CENPP: variants seen among roughly 807,000 people sequenced by gnomAD.
CENPP encodes the protein centromere protein P.
In CENPP, 24 loss-of-function variants were observed where a neutral mutation model predicts 35.6. The observed-to-expected ratio is 0.67, with a 90% CI of 0.49 to 0.95. The LOEUF (loss-of-function observed/expected upper bound fraction) is 0.95, where lower values mean the gene tolerates loss of function less well. Among genes scored for constraint, CENPP ranks in the 40% least tolerant of loss-of-function variants. The probability of loss-of-function intolerance (pLI) is 0.00; values close to 1 mark genes in which losing one functional copy is unlikely to be tolerated. For missense variants in CENPP, 332 were observed against 345.3 expected, an observed-to-expected ratio of 0.96 and a Z score of 0.31; for synonymous variants, 120 against 125.5, an observed-to-expected ratio of 0.96 and a Z score of 0.29.
At chr9:92,567,373 G>GATATAGAT (rs1849997624) in intron 5 of CENPP, among the ~76,000 whole-genome samples, 3 of 129,090 alleles carry the variant, frequency 2.3e-5, no homozygotes, top group Non-Finnish European at 3.3e-5. Flanking sequence ...ACATAAGATA[G>GATATAGAT]ATATATATAT....
intron 5 of CENPP, among the ~76,000 whole-genome samples, chr9:92,411,744 G>A (rs1198161686): frequency 1.3e-5 from 2 of 152,206 alleles, no homozygotes; most frequent in South Asian, 2.1e-4. Flanking sequence ...CTTAAACTGT[G>A]CAAGAAGTGA....
intron 4 of CENPP, among the ~76,000 whole-genome samples, chr9:92,374,906 T>G (rs1186405330): frequency 6.6e-6 from 1 of 152,214 alleles, no homozygotes; most frequent in Non-Finnish European, 1.5e-5. Flanking sequence ...CTCAGCTTTC[T>G]TGAATCAGGG....
intron 5 of CENPP, chr9:92,517,596 A>G (rs1029747351): frequency 6.5e-6 from 10 of 1,544,930 alleles, no homozygotes; most frequent in African/African-American, 5.5e-5. Flanking sequence ...TGACTAATGT[A>G]TCATAATTTT....
intron 5 of CENPP, among the ~76,000 whole-genome samples, chr9:92,542,816 A>G (rs1403146433): frequency 2.0e-5 from 3 of 151,924 alleles, no homozygotes; most frequent in Non-Finnish European, 4.4e-5. Context: ...CCGGCCCCCT[A>G]TGTTTTCTTC....
chr9:92,483,084 G>T (rs571174017), intron 5 of CENPP, among the ~76,000 whole-genome samples: 1 of 152,062 alleles, frequency 6.6e-6, no homozygotes, highest in Non-Finnish European at 1.5e-5. Flanking sequence ...GAGAATATTA[G>T]CTATGGCCTC....
At chr9:92,452,497 T>C (rs924159804) in intron 5 of CENPP, among the ~76,000 whole-genome samples, 1 of 152,212 alleles carries the variant, frequency 6.6e-6, no homozygotes, top group African/African-American at 2.4e-5. Context: ...TGGATTCGGT[T>C]TGCCAGTATT....
chr9:92,504,622 A>G (rs1846885601), intron 5 of CENPP, among the ~76,000 whole-genome samples: 1 of 152,078 alleles, frequency 6.6e-6, no homozygotes, highest in Non-Finnish European at 1.5e-5. Context: ...TGCAGCCTCA[A>G]ACTCCTGGGC....
intron 5 of CENPP, among the ~76,000 whole-genome samples, chr9:92,586,251 G>A (rs1468523637): frequency 6.6e-6 from 1 of 152,148 alleles, no homozygotes; most frequent in African/African-American, 2.4e-5. Context: ...CGCCATGTTG[G>A]CCAGGCTGTT....
intron 5 of CENPP, among the ~76,000 whole-genome samples, chr9:92,602,790 C>T (rs1052866823): frequency 2.3e-4 from 34 of 149,824 alleles, no homozygotes; most frequent in African/African-American, 2.5e-5. Flanking sequence ...TTCTCATTCT[C>T]CTCGTATACT....
At chr9:92,516,143 A>G (rs1588213608) in intron 5 of CENPP, among the ~76,000 whole-genome samples, 1 of 149,166 alleles carries the variant, frequency 6.7e-6, no homozygotes, top group Non-Finnish European at 1.5e-5. Flanking sequence ...GGCTCACTGC[A>G]CCCTCCGCCT....
intron 5 of CENPP, among the ~76,000 whole-genome samples, chr9:92,388,717 A>G (rs1842541456): frequency 6.6e-6 from 1 of 151,528 alleles, no homozygotes; most frequent in Admixed American, 6.6e-5. Flanking sequence ...CTGTAGTCCC[A>G]GCCACTTGGG....
intron 5 of CENPP, chr9:92,517,777 C>G (rs1220030082): frequency 6.2e-7 from 1 of 1,614,226 alleles, no homozygotes; most frequent in African/African-American, 1.3e-5. Context: ...TCACAAAGAA[C>G]TCTTCCATCT....
At chr9:92,466,848 C>G (rs1051787662) in intron 5 of CENPP, among the ~76,000 whole-genome samples, 4 of 152,142 alleles carry the variant, frequency 2.6e-5, no homozygotes, top group Admixed American at 6.5e-5. Context: ...TATGGCTAAG[C>G]CTTCAACCTC....
At chr9:92,559,036 T>G (rs1222055839) in intron 5 of CENPP, among the ~76,000 whole-genome samples, 1 of 152,030 alleles carries the variant, frequency 6.6e-6, no homozygotes, top group Non-Finnish European at 1.5e-5. Context: ...GCTTGAAAAC[T>G]TACCCGAGGC....
intron 5 of CENPP, among the ~76,000 whole-genome samples, chr9:92,587,479 G>C (rs185106530): frequency 7.2e-6 from 1 of 139,568 alleles, no homozygotes. Flanking sequence ...TCAAAAAAAA[G>C]GGGGGGGACC....
intron 5 of CENPP, among the ~76,000 whole-genome samples, chr9:92,561,634 G>A (rs1323507332): frequency 6.6e-6 from 1 of 152,050 alleles, no homozygotes; most frequent in Non-Finnish European, 1.5e-5. Flanking sequence ...TTACCATAAG[G>A]GTGTACATTC....
intron 5 of CENPP, among the ~76,000 whole-genome samples, chr9:92,569,959 A>G (rs1004496191): frequency 6.6e-6 from 1 of 152,238 alleles, no homozygotes; most frequent in African/African-American, 2.4e-5. Flanking sequence ...GAAGTTGCTT[A>G]TCAGCTTAAG....
At chr9:92,370,090 T>C (rs1182669144) in intron 4 of CENPP, among the ~76,000 whole-genome samples, 1 of 152,258 alleles carries the variant, frequency 6.6e-6, no homozygotes, top group Non-Finnish European at 1.5e-5. Flanking sequence ...TTTTTCCCTA[T>C]ATCTTGTAGA....
At chr9:92,556,579 A>G (rs1354164468) in intron 5 of CENPP, among the ~76,000 whole-genome samples, 2 of 152,226 alleles carry the variant, frequency 1.3e-5, no homozygotes, top group East Asian at 3.8e-4. Context: ...TTTTACCATT[A>G]TATAATGTCC....
Sources: gnomAD v4.1 joint callset for allele counts (sites outside exome capture counted in the v4.1 genomes callset) on GRCh38, gnomAD v4.1.1 for gene constraint, MANE v1.5 for transcripts, NCBI Gene and HGNC (gene_info 2026-07-23, HGNC 2026-07-21) for gene names.